The following PSD3 variants were observed in gnomAD, a reference collection of about 807,000 sequenced individuals.
The protein encoded by PSD3 is pleckstrin and Sec7 domain containing 3.
PSD3 carries 49 observed loss-of-function variants against 105.5 expected under a neutral mutation model. The ratio of observed to expected loss-of-function variants is 0.46; its 90% CI spans 0.37 to 0.59. PSD3 has a LOEUF of 0.59. Ranked by LOEUF, PSD3 falls within the 20% of genes least tolerant of loss-of-function variation. The pLI, the probability that PSD3 is intolerant of heterozygous loss-of-function variation, is 0.00. For missense variants in PSD3, 1,561 were observed against 1,263.8 expected, an observed-to-expected ratio of 1.24 and a Z score of -3.57; for synonymous variants, 557 against 457.8, an observed-to-expected ratio of 1.22 and a Z score of -2.77.
intron 1 of PSD3, among the ~76,000 whole-genome samples, chr8:19,032,898 G>T (rs78920562): frequency 6.6e-6 from 1 of 152,014 alleles, no homozygotes; most frequent in Non-Finnish European, 1.5e-5. Flanking sequence ...CTAGTTTAAT[G>T]GTCAAAAAAG....
chr8:18,758,414 C>CTTTT (rs143280710), intron 9 of PSD3, among the ~76,000 whole-genome samples: 1 of 135,106 alleles, frequency 7.4e-6, no homozygotes. Context: ...CAGTTTTACT[C>CTTTT]TTTTTTTTTT....
intron 10 of PSD3, among the ~76,000 whole-genome samples, chr8:18,636,333 TA>T (rs1807254024): frequency 6.6e-6 from 1 of 152,212 alleles, no homozygotes; most frequent in East Asian, 1.9e-4. Flanking sequence ...GGAAAACACT[TA>T]TAAAATAAGG....
intron 4 of PSD3, among the ~76,000 whole-genome samples, chr8:18,848,174 A>G (rs1815253430): frequency 5.3e-5 from 8 of 152,206 alleles, no homozygotes; most frequent in Admixed American, 4.6e-4. Context: ...TTTACAGTGA[A>G]GTAACTTTCT....
intron 1 of PSD3, among the ~76,000 whole-genome samples, chr8:19,046,459 A>G (rs1410423732): frequency 1.3e-5 from 2 of 152,054 alleles, no homozygotes; most frequent in Non-Finnish European, 2.9e-5. Context: ...GCAGCAACCG[A>G]TTTCCTTTAT....
At chr8:18,692,568 G>C (rs1201648282) in intron 9 of PSD3, among the ~76,000 whole-genome samples, 1 of 152,148 alleles carries the variant, frequency 6.6e-6, no homozygotes, top group East Asian at 1.9e-4. Context: ...TGGAGCGGGA[G>C]CTGAGAAATA....
chr8:18,951,750 C>T (rs1445051554), intron 1 of PSD3, among the ~76,000 whole-genome samples: 1 of 151,978 alleles, frequency 6.6e-6, no homozygotes, highest in East Asian at 1.9e-4. Flanking sequence ...TTTGGGAGGC[C>T]GAGGCAGGTG....
At chr8:18,715,938 T>G (rs1287975027) in intron 9 of PSD3, among the ~76,000 whole-genome samples, 1 of 152,138 alleles carries the variant, frequency 6.6e-6, no homozygotes, top group African/African-American at 2.4e-5. Flanking sequence ...GAACATAGAT[T>G]TGAGTGAGGG....
rs144875179 is a variant in PSD3 at position 18,850,280 on chromosome 8, C to T, written c.1634+17394G>A. Among the ~76,000 whole-genome samples the T allele has an allele frequency of 2.2e-3, 335 of 152,350 alleles. 1 individual carries two copies. Among genetic ancestry groups the T allele is most frequent in the African/African-American group, 7.0e-3 (291 of 41,586 alleles). ...GAAAGATATTCATTCTCCATGTCTT[C>T]TCATGGTGGCATCTCTATTTCAGCC... On this transcript the variant is annotated intron_variant, in intron 4 of 15. Coordinates refer to ENST00000327040, the MANE Select transcript of PSD3 (RefSeq NM_015310.4).
At chr8:18,979,358 C>T (rs192390482) in intron 1 of PSD3, among the ~76,000 whole-genome samples, 1 of 152,296 alleles carries the variant, frequency 6.6e-6, no homozygotes, top group East Asian at 1.9e-4. Flanking sequence ...TAATGAGCAG[C>T]TCTTACATGA....
At chr8:18,756,775 G>C (rs966477204) in intron 9 of PSD3, among the ~76,000 whole-genome samples, 3 of 145,708 alleles carry the variant, frequency 2.1e-5, no homozygotes, top group African/African-American at 7.7e-5. Flanking sequence ...CCGAAAACCT[G>C]AAAACCATAG....
chr8:19,039,796 C>T (rs1451987177), intron 1 of PSD3, among the ~76,000 whole-genome samples: 1 of 152,174 alleles, frequency 6.6e-6, no homozygotes, highest in Admixed American at 6.5e-5. Context: ...CCCTACTATG[C>T]AACAACACTG....
intron 1 of PSD3, among the ~76,000 whole-genome samples, chr8:18,991,185 C>A (rs1388347640): frequency 6.6e-6 from 1 of 152,168 alleles, no homozygotes; most frequent in East Asian, 1.9e-4. Flanking sequence ...TACTTTTGAC[C>A]ACACACTGGT....
At position 18,723,531 on chromosome 8, in the gene PSD3, A is replaced by C. The variant is rs575543660; in HGVS notation, c.2172+41918T>G. Among the ~76,000 whole-genome samples the C allele has an allele frequency of 1.7e-4, 26 of 152,316 alleles. 1 individual carries two copies. The highest frequency in any genetic ancestry group is 5.2e-4 in the Admixed American group (8 of 15,298). ...ATGCTTAGCACAGAGCGACATCCTGAAAGAAATACAAAAAGACATATGACA... is the reference window on the plus strand; with the variant it reads ...ATGCTTAGCACAGAGCGACATCCTGCAAGAAATACAAAAAGACATATGACA... On this transcript the variant is annotated intron_variant, in intron 9 of 15. Transcript: ENST00000327040.
intron 10 of PSD3, among the ~76,000 whole-genome samples, chr8:18,637,632 G>C (rs913205680): frequency 2.6e-5 from 4 of 152,124 alleles, no homozygotes; most frequent in African/African-American, 9.7e-5. Context: ...CCATTGTAAA[G>C]TACCATTTCA....
intron 9 of PSD3, among the ~76,000 whole-genome samples, chr8:18,718,640 T>G (rs1055456377): frequency 6.6e-6 from 1 of 152,204 alleles, no homozygotes; most frequent in African/African-American, 2.4e-5. Flanking sequence ...GCTGTGCTTT[T>G]GAACATAGCA....
intron 4 of PSD3, among the ~76,000 whole-genome samples, chr8:18,850,150 G>A (rs1180657843): frequency 6.6e-6 from 1 of 152,212 alleles, no homozygotes; most frequent in East Asian, 1.9e-4. Flanking sequence ...AGAAAACCAG[G>A]ATGGATGAAA....
intron 9 of PSD3, among the ~76,000 whole-genome samples, chr8:18,719,774 C>T (rs553172108): frequency 1.4e-4 from 21 of 152,102 alleles, no homozygotes; most frequent in Non-Finnish European, 2.5e-4. Context: ...TAAATCTATT[C>T]TTTAGAGCTG....
chr8:18,682,864 C>A (rs946570945), intron 9 of PSD3, among the ~76,000 whole-genome samples: 2 of 152,020 alleles, frequency 1.3e-5, no homozygotes, highest in African/African-American at 4.8e-5. Context: ...CTGGATATAA[C>A]CCCGAGAAGG....
At chr8:18,578,464 C>T (rs1802597361) in intron 12 of PSD3, among the ~76,000 whole-genome samples, 1 of 152,118 alleles carries the variant, frequency 6.6e-6, no homozygotes. Context: ...TTCTCTCCTA[C>T]CTCTCTGATC....
Sources: allele counts gnomAD v4.1 joint callset (sites outside exome capture counted in the v4.1 genomes callset), GRCh38; gene constraint gnomAD v4.1.1; transcripts MANE v1.5; gene names NCBI Gene and HGNC (gene_info 2026-07-23, HGNC 2026-07-21).